Variants in RBFOX1 observed in about 807,000 individuals in gnomAD.
RBFOX1 encodes RNA binding protein fox-1 homolog 1.
In RBFOX1, 8 loss-of-function variants were observed where a neutral mutation model predicts 57.7. That is an observed-to-expected ratio of 0.14 (90% CI 0.08 to 0.25). The LOEUF is 0.25. RBFOX1 is among the 10% of genes least tolerant of loss of function. The pLI is 1.00. For missense variants in RBFOX1, 611 were observed against 548.5 expected, an observed-to-expected ratio of 1.11 and a Z score of -1.14; for synonymous variants, 326 against 222.4, an observed-to-expected ratio of 1.47 and a Z score of -4.15.
At chr16:6,524,894 A>G (rs924958183) in intron 2 of RBFOX1, among the ~76,000 whole-genome samples, 16 of 152,044 alleles carry the variant, frequency 1.1e-4, no homozygotes, top group African/African-American at 3.6e-4. Flanking sequence ...CATTCCCTGG[A>G]TTTAGGGCCC....
At chr16:5,335,378 T>C (rs1011742222) in intron 1 of RBFOX1, among the ~76,000 whole-genome samples, 1 of 152,150 alleles carries the variant, frequency 6.6e-6, no homozygotes, top group Non-Finnish European at 1.5e-5. Flanking sequence ...GGAGTTCAGA[T>C]TCAAAAGGGA....
intron 2 of RBFOX1, among the ~76,000 whole-genome samples, chr16:6,465,618 G>C (rs1053416669): frequency 6.6e-6 from 1 of 151,338 alleles, no homozygotes; most frequent in Non-Finnish European, 1.5e-5. Flanking sequence ...GTGTGTGTGT[G>C]TGTGTGTGTG....
intron 3 of RBFOX1, among the ~76,000 whole-genome samples, chr16:6,989,543 G>A (rs1430307007): frequency 6.6e-6 from 1 of 152,106 alleles, no homozygotes; most frequent in African/African-American, 2.4e-5. Context: ...TTTATACGTA[G>A]TACCAGGGAT....
At chr16:5,737,527 T>G (rs971591201) in intron 3 of RBFOX1, among the ~76,000 whole-genome samples, 15 of 142,254 alleles carry the variant, frequency 1.1e-4, no homozygotes, top group African/African-American at 3.6e-4. Flanking sequence ...ATTCTGGATT[T>G]TTTTTTTTTT....
In RBFOX1 at chr16:6,587,177, C is replaced by A. The variant is rs191615783; in HGVS notation, c.-63-67426C>A. 2.0e-5 allele frequency among the ~76,000 whole-genome samples: 3 copies of A among 152,254 alleles called. No individual in the cohort carries two copies. In the East Asian group the frequency reaches 5.8e-4, roughly 29 times the overall value. On this transcript the variant is annotated intron_variant, in intron 2 of 15. Transcript: ENST00000550418. ...TTTTATCCATTGACTAATGTCTCCC[C>A]AGCTCCCCTCTCTCCGCACTGGTAA...
intron 2 of RBFOX1, among the ~76,000 whole-genome samples, chr16:5,506,575 G>A (rs146192942): frequency 2.5e-3 from 378 of 152,262 alleles, no homozygotes; most frequent in Non-Finnish European, 4.4e-3. Flanking sequence ...AGCCAGCCTA[G>A]CTCAGCTCCA....
chr16:6,398,367 C>A (rs1385966268), intron 2 of RBFOX1, among the ~76,000 whole-genome samples: 8 of 152,084 alleles, frequency 5.3e-5, no homozygotes, highest in Admixed American at 5.2e-4. Flanking sequence ...TCAACAGTCC[C>A]CCAAAGTCTT....
At chr16:6,710,112 A>C (rs947206343) in intron 3 of RBFOX1, among the ~76,000 whole-genome samples, 2 of 152,120 alleles carry the variant, frequency 1.3e-5, no homozygotes, top group South Asian at 2.1e-4. Context: ...CACAGCAAAA[A>C]TACCATGAGT....
At chr16:5,965,573 G>C (rs2059827251) in intron 4 of RBFOX1, among the ~76,000 whole-genome samples, 1 of 152,118 alleles carries the variant, frequency 6.6e-6, no homozygotes, top group African/African-American at 2.4e-5. Flanking sequence ...ATAAGAAGCA[G>C]GTGGAAAGCC....
intron 14 of RBFOX1, among the ~76,000 whole-genome samples, chr16:7,688,946 A>G (rs1854363599): frequency 6.6e-6 from 1 of 152,036 alleles, no homozygotes; most frequent in Non-Finnish European, 1.5e-5. Flanking sequence ...CCCTACGTGA[A>G]TGTTCCAAGC....
intron 3 of RBFOX1, among the ~76,000 whole-genome samples, chr16:6,886,422 C>G (rs1469551182): frequency 6.6e-6 from 1 of 151,868 alleles, no homozygotes. Context: ...TAAATTTTGT[C>G]CCGCTATTGA....
intron 3 of RBFOX1, among the ~76,000 whole-genome samples, chr16:6,899,369 C>T (rs190972474): frequency 3.3e-5 from 5 of 152,238 alleles, no homozygotes; most frequent in African/African-American, 9.6e-5. Flanking sequence ...TTTCTTCTTC[C>T]CTAGGCATTA....
chr16:6,833,419 G>A (rs886293918), intron 3 of RBFOX1, among the ~76,000 whole-genome samples: 12 of 151,954 alleles, frequency 7.9e-5, no homozygotes, highest in Non-Finnish European at 1.0e-4. Context: ...AACCTGCCTC[G>A]GCTTCCCAAA....
At chr16:6,807,886 A>G (rs1047826781) in intron 3 of RBFOX1, among the ~76,000 whole-genome samples, 8 of 124,326 alleles carry the variant, frequency 6.4e-5, no homozygotes, top group Admixed American at 4.4e-4. Flanking sequence ...GTTCTGTTGA[A>G]TATATATTAT....
intron 1 of RBFOX1, among the ~76,000 whole-genome samples, chr16:6,068,011 A>G (rs1020157729): frequency 1.3e-5 from 2 of 152,336 alleles, no homozygotes; most frequent in Non-Finnish European, 2.9e-5. Flanking sequence ...CTTTCTATCA[A>G]TATGACCAAG....
chr16:6,558,727 C>A (rs1599799665), intron 2 of RBFOX1, among the ~76,000 whole-genome samples: 1 of 152,114 alleles, frequency 6.6e-6, no homozygotes, highest in South Asian at 2.1e-4. Context: ...CACTCTCACA[C>A]AGGTAAAGAA....
chr16:7,238,415 C>A (rs1230935160), intron 4 of RBFOX1, among the ~76,000 whole-genome samples: 1 of 152,162 alleles, frequency 6.6e-6, no homozygotes, highest in African/African-American at 2.4e-5. Flanking sequence ...TGTCTAAGTT[C>A]CCAAAACAGA....
chr16:7,371,036 T>G (rs963589669), intron 4 of RBFOX1, among the ~76,000 whole-genome samples: 1 of 152,194 alleles, frequency 6.6e-6, no homozygotes, highest in Admixed American at 6.5e-5. Context: ...TATTTTTGAC[T>G]TGCCTGTATT....
At chr16:6,727,050 A>AACACACACACACACACACAC (rs71408406) in intron 3 of RBFOX1, among the ~76,000 whole-genome samples, 11,008 of 135,578 alleles carry the variant, frequency 0.081, 686 homozygotes, top group East Asian at 0.18. Context: ...ATTTGGACTG[A>AACACACACACACACACACAC]ACACACACAC....
Sources: gnomAD v4.1 joint callset for allele counts (sites outside exome capture counted in the v4.1 genomes callset) on GRCh38, gnomAD v4.1.1 for gene constraint, MANE v1.5 for transcripts, NCBI Gene and HGNC (gene_info 2026-07-23, HGNC 2026-07-21) for gene names.